ALS2CL: variants seen among roughly 807,000 people sequenced by gnomAD.
ALS2CL encodes the protein ALS2 C-terminal-like protein.
ALS2CL carries 112 observed loss-of-function variants against 127.9 expected under a neutral mutation model. That is an observed-to-expected ratio of 0.88 (90% CI 0.75 to 1.02). ALS2CL has a LOEUF of 1.02. Among genes scored for constraint, ALS2CL ranks in the 50% least tolerant of loss-of-function variants. The pLI, the probability that ALS2CL is intolerant of heterozygous loss-of-function variation, is 0.00. For missense variants in ALS2CL, 1,174 were observed against 1,236.7 expected (o/e 0.95, Z 0.76); for synonymous variants, 519 against 527.6 (o/e 0.98, Z 0.22).
chr3:46,677,629 A>C (rs1179169991), intron 16 of ALS2CL, among the ~76,000 whole-genome samples: 1 of 152,202 alleles, frequency 6.6e-6, no homozygotes, highest in East Asian at 1.9e-4. Flanking sequence ...CCCTCCCTAC[A>C]TCTGAAATGC....
intron 14 of ALS2CL, 133 bp from the exon 15 acceptor site, chr3:46,679,420 G>T: frequency 1.3e-6 from 1 of 769,138 alleles, no homozygotes. Context: ...GCCTCATCAC[G>T]CCCCACAGGA....
chr3:46,675,433 G>T (rs1375701987), intron 20 of ALS2CL, 185 bp downstream of exon 20: 4 of 594,070 alleles, frequency 6.7e-6, no homozygotes, highest in Non-Finnish European at 1.2e-5. Flanking sequence ...CCCCTCCCTG[G>T]TTCCTCACAG....
chr3:46,688,332 A>AGTCACAC (rs772492234), intron 2 of ALS2CL, 36 bp from the exon 3 acceptor site: 1 of 1,593,288 alleles, frequency 6.3e-7, no homozygotes, highest in South Asian at 1.1e-5. Context: ...TGAGTAGAGG[A>AGTCACAC]CGTGGGCTCC....
intron 13 of ALS2CL, 39 bp from the exon 14 acceptor site, chr3:46,680,580 C>A: frequency 6.3e-7 from 1 of 1,586,284 alleles, no homozygotes; most frequent in South Asian, 1.1e-5. Context: ...GGATCAGACT[C>A]ATTCCCATGT....
In ALS2CL at chr3:46,678,384, C is replaced by T. The variant is rs1559466589; in HGVS notation, c.1632G>A (p.Lys544=). The stretch of plus-strand genomic sequence containing the variant: ...GGGTGAAGCCATTGGGGAAGGTGAC[C>T]TTGCCCTGGGAGCCAGGAGAAGGAG... ...TRDLTLMGKG[K]VTFPNGFTLE... is the part of the protein sequence containing the mutation. The change falls in exon 16 of 26, where the codon AAG becomes AAA. Residue 544 remains lysine, a synonymous_variant. Coordinates refer to ENST00000318962, the MANE Select transcript of ALS2CL (RefSeq NM_147129.5). 7 of 1,611,752 alleles carry T rather than the reference C, an allele frequency of 4.3e-6. No individual in the cohort carries two copies. Among genetic ancestry groups the T allele is most frequent in the Non-Finnish European group, 5.9e-6 (7 of 1,178,664 alleles).
At position 46,676,831 on chromosome 3, in the gene ALS2CL, TCA is replaced by T; in HGVS notation, c.1931+16_1931+17del. 7.0e-7 allele frequency: 1 copy of T among 1,438,674 alleles called. No homozygotes were observed. The allele number at this position is 1,438,674 out of a possible 1,614,324, so 89.1% of individuals were successfully genotyped here. ...CCAGCCCACCCTAACCTGTGCATGCTCACACAGCCGGCCTCACCTCTCGCAGG... is the reference window on the plus strand; with the variant it reads ...CCAGCCCACCCTAACCTGTGCATGCTCACAGCCGGCCTCACCTCTCGCAGG... On this transcript the variant is annotated intron_variant, in intron 17 of 25. Coordinates refer to ENST00000318962, the MANE Select transcript of ALS2CL (RefSeq NM_147129.5).
chr3:46,678,150 G>A (rs1426462478), intron 16 of ALS2CL, 109 bp downstream of exon 16: 2 of 1,241,754 alleles, frequency 1.6e-6, no homozygotes, highest in Non-Finnish European at 1.1e-6. Context: ...CTCTCTAGAG[G>A]GCTAAGAGGT....
intron 3 of ALS2CL, 135 bp from the exon 4 acceptor site, chr3:46,687,819 G>T: frequency 1.1e-6 from 1 of 940,690 alleles, no homozygotes; most frequent in Non-Finnish European, 1.6e-6. Flanking sequence ...CTGGCTCTGG[G>T]CACTGGAGAC....
chr3:46,678,985 C>T (rs546668604), intron 15 of ALS2CL, among the ~76,000 whole-genome samples: 3 of 152,152 alleles, frequency 2.0e-5, no homozygotes, highest in Non-Finnish European at 4.4e-5. Flanking sequence ...AGGAGACCAC[C>T]GGTACCCTCT....
chr3:46,680,028 T>C lies in ALS2CL; in HGVS notation c.1548+402A>G, dbSNP rs528989906. 1,147 of 202,390 alleles carry C rather than the reference T, an allele frequency of 5.7e-3. 6 individuals carry two copies. The highest frequency in any genetic ancestry group is 9.0e-3 in the Non-Finnish European group (866 of 96,540). 12.5% of individuals were successfully genotyped at this position (202,390 alleles called of 1,614,324 possible). ...CATTTGTCATTCACTAGGGACACAC[T>C]AGGGATAATAATGACATCAACCTGC... On this transcript the variant is annotated intron_variant, in intron 14 of 25. Coordinates refer to ENST00000318962, the MANE Select transcript of ALS2CL (RefSeq NM_147129.5).
chr3:46,687,235 C>T (rs1453373715), intron 4 of ALS2CL, 87 bp from the exon 5 acceptor site: 3 of 1,402,504 alleles, frequency 2.1e-6, no homozygotes, highest in Non-Finnish European at 9.4e-7. Flanking sequence ...AGCTAATCCC[C>T]TCAGATCCCA....
chr3:46,687,234 C>A, intron 4 of ALS2CL, 86 bp from the exon 5 acceptor site: 1 of 1,401,708 alleles, frequency 7.1e-7, no homozygotes, highest in Non-Finnish European at 9.4e-7. Context: ...CAGCTAATCC[C>A]CTCAGATCCC....
At position 46,678,406 on chromosome 3, in the gene ALS2CL, G is replaced by A. The variant is rs772152624; in HGVS notation, c.1627-17C>T. 3.1e-6 allele frequency: 5 copies of A among 1,608,228 alleles called. No homozygotes were observed. The South Asian group carries it at 5.5e-5, about 18-fold the overall frequency. ...GACCTTGCCCTGGGAGCCAGGAGAAGGAGCAGGGATGTCTGTCTGCCCAGT... is the reference window on the plus strand; with the variant it reads ...GACCTTGCCCTGGGAGCCAGGAGAAAGAGCAGGGATGTCTGTCTGCCCAGT... On this transcript the variant is annotated splice_polypyrimidine_tract_variant and intron_variant, in intron 15 of 25. Coordinates refer to ENST00000318962, the MANE Select transcript of ALS2CL (RefSeq NM_147129.5).
chr3:46,675,549 A>G, intron 20 of ALS2CL, 69 bp downstream of exon 20: 1 of 1,437,182 alleles, frequency 7.0e-7, no homozygotes, highest in Non-Finnish European at 9.7e-7. Context: ...TCCCCAAGGG[A>G]GGTCCTAGGA....
chr3:46,680,293 C>A, intron 14 of ALS2CL, 137 bp downstream of exon 14: 1 of 910,346 alleles, frequency 1.1e-6, no homozygotes, highest in East Asian at 2.5e-5. Flanking sequence ...GCTTCCTGCC[C>A]AGGTTCTGGC....
At chr3:46,691,142 AG>A (rs1248697850) in intron 1 of ALS2CL, among the ~76,000 whole-genome samples, 2 of 152,164 alleles carry the variant, frequency 1.3e-5, no homozygotes. Context: ...CAGGCAGACA[AG>A]GAAAGCCCAG....
At chr3:46,683,092 G>A in intron 10 of ALS2CL, 38 bp downstream of exon 10, 1 of 1,517,792 alleles carries the variant, frequency 6.6e-7, no homozygotes, top group Non-Finnish European at 8.8e-7. Context: ...AGACCCCCAG[G>A]GAGTCCCACC....
Position 46,676,356 on chromosome 3 carries a change from A to C in ALS2CL, c.2075T>G (p.Leu692Arg), listed in dbSNP as rs760740178. ...GTAGGTAGCCTGGAAGGTCAGCATC[A>C]GTGTCCGGAGCAGCTTTCCCAGGGG... ...LHPLGKLLRT[L>R]MLTFQATYAG... The change falls in exon 19 of 26, where the codon CTG (leucine) becomes CGG (arginine). Residue 692 changes from leucine to arginine, a missense_variant. By Grantham distance (102) the Leu-to-Arg change is moderately radical. Coordinates refer to ENST00000318962, the MANE Select transcript of ALS2CL (RefSeq NM_147129.5). 5.0e-6 allele frequency: 8 copies of C among 1,613,834 alleles called. No individual in the cohort carries two copies. The highest frequency in any genetic ancestry group is 6.8e-6 in the Non-Finnish European group (8 of 1,179,986).
In ALS2CL at chr3:46,686,870, T is replaced by C. The variant is rs911457136; in HGVS notation, c.534+113A>G. 41 of 1,261,702 alleles carry C rather than the reference T, an allele frequency of 3.2e-5. No homozygotes were observed. The highest frequency in any genetic ancestry group is 3.2e-5 in the Admixed American group (1 of 31,076). 78.2% of individuals were successfully genotyped at this position (1,261,702 alleles called of 1,614,324 possible). A position where few individuals can be genotyped will look rare whatever the true frequency, so the allele number is the denominator to read the frequency against. On this transcript the variant is annotated intron_variant, in intron 5 of 25. Transcript: ENST00000318962. The surrounding 1 kb of genome is among the most constrained non-coding windows in gnomAD (Gnocchi z 4.3). ...CTCAACCCTCTCCCACCTGCCGGCA[T>C]GGCTGAGTCCTTCTTGTACTAGGGT...
Sources: allele counts gnomAD v4.1 joint callset (sites outside exome capture counted in the v4.1 genomes callset), GRCh38; gene constraint gnomAD v4.1.1; non-coding constraint Gnocchi (gnomAD v3.1); transcripts MANE v1.5; gene names NCBI Gene and HGNC (gene_info 2026-07-23, HGNC 2026-07-21).